Variants in RGS7 observed in about 807,000 individuals in gnomAD.
The protein encoded by RGS7 is regulator of G protein signaling 7.
RGS7 carries 27 observed loss-of-function variants against 81.1 expected under a neutral mutation model. The ratio of observed to expected loss-of-function variants is 0.33; its 90% CI spans 0.25 to 0.46. The LOEUF (loss-of-function observed/expected upper bound fraction) is 0.46, where lower values mean the gene tolerates loss of function less well. RGS7 is among the 20% of genes least tolerant of loss of function. The probability of loss-of-function intolerance (pLI) is 1.00; values close to 1 mark genes in which losing one functional copy is unlikely to be tolerated. For missense variants in RGS7, 396 were observed against 607.4 expected, an observed-to-expected ratio of 0.65 and a Z score of 3.66; for synonymous variants, 208 against 207.7, an observed-to-expected ratio of 1.00 and a Z score of -0.01.
chr1:240,778,136 A>C, intron 18 of RGS7, among the ~76,000 whole-genome samples: 1 of 147,828 alleles, frequency 6.8e-6, no homozygotes, highest in Non-Finnish European at 1.5e-5. Flanking sequence ...CCTGGCTCCT[A>C]ATACCATCAC....
intron 9 of RGS7, among the ~76,000 whole-genome samples, chr1:240,867,475 T>A (rs1002698546): frequency 3.3e-5 from 5 of 152,232 alleles, no homozygotes; most frequent in Admixed American, 6.5e-5. Flanking sequence ...TGTCTTATAG[T>A]TGCTGGTAAC....
At chr1:241,065,114 T>G in intron 3 of RGS7, among the ~76,000 whole-genome samples, 1 of 151,978 alleles carries the variant, frequency 6.6e-6, no homozygotes, top group Non-Finnish European at 1.5e-5. Context: ...AACAAGCTAA[T>G]TTGTCTGTGT....
intron 3 of RGS7, among the ~76,000 whole-genome samples, chr1:240,988,927 A>G (rs977969498): frequency 1.3e-5 from 2 of 152,200 alleles, no homozygotes; most frequent in East Asian, 3.9e-4. Flanking sequence ...AATTTCTTAG[A>G]AGAACATTAA....
chr1:241,015,730 T>C lies in RGS7; in HGVS notation c.176-32601A>G, dbSNP rs2059185296. Among the ~76,000 whole-genome samples the C allele has an allele frequency of 2.6e-5, 4 of 152,230 alleles. No individual in the cohort carries two copies. In the South Asian group the frequency reaches 6.2e-4, roughly 24 times the overall value. On this transcript the variant is annotated intron_variant, in intron 3 of 18. Coordinates refer to ENST00000440928, the MANE Select transcript of RGS7 (RefSeq NM_001364886.1). ...TGTAAGTTAATCTAAGAAATGGCAA[T>C]GATATTTTAGGATAATTTCATTTAG...
intron 2 of RGS7, among the ~76,000 whole-genome samples, chr1:241,139,915 C>G (rs965034323): frequency 6.6e-6 from 1 of 152,206 alleles, no homozygotes; most frequent in African/African-American, 2.4e-5. Flanking sequence ...GTGTTTATAA[C>G]CATCACCTAG....
chr1:241,009,954 T>A (rs2148658982), intron 3 of RGS7, among the ~76,000 whole-genome samples: 1 of 152,226 alleles, frequency 6.6e-6, no homozygotes, highest in South Asian at 2.1e-4. Flanking sequence ...AAACACCGCA[T>A]GTTCTCACTC....
At chr1:241,268,042 C>A (rs549581196) in intron 2 of RGS7, among the ~76,000 whole-genome samples, 1 of 152,222 alleles carries the variant, frequency 6.6e-6, no homozygotes, top group Admixed American at 6.5e-5. Context: ...AAAAGCTGAC[C>A]GGACCGTTGA....
At chr1:241,229,220 G>A (rs370427751) in intron 2 of RGS7, among the ~76,000 whole-genome samples, 5 of 152,044 alleles carry the variant, frequency 3.3e-5, no homozygotes, top group Non-Finnish European at 5.9e-5. Context: ...GATGGCCCAC[G>A]GACTTCTGGT....
chr1:240,924,835 T>C (rs761421921), intron 6 of RGS7, among the ~76,000 whole-genome samples: 1 of 152,148 alleles, frequency 6.6e-6, no homozygotes, highest in African/African-American at 2.4e-5. Flanking sequence ...GTAATCAAAA[T>C]AAATAATATT....
At chr1:241,044,514 C>G (rs2060804739) in intron 3 of RGS7, among the ~76,000 whole-genome samples, 1 of 152,148 alleles carries the variant, frequency 6.6e-6, no homozygotes, top group African/African-American at 2.4e-5. Flanking sequence ...CCTCAAATTC[C>G]TAGGCTCAGG....
chr1:240,797,568 T>C (rs762157057), intron 18 of RGS7, among the ~76,000 whole-genome samples: 11 of 152,130 alleles, frequency 7.2e-5, no homozygotes, highest in Non-Finnish European at 1.3e-4. Flanking sequence ...GCCAGGCTGG[T>C]CTTGAACTCC....
chr1:241,034,380 G>A (rs2060229888), intron 3 of RGS7, among the ~76,000 whole-genome samples: 1 of 152,146 alleles, frequency 6.6e-6, no homozygotes, highest in Non-Finnish European at 1.5e-5. Context: ...ACTGTTGCCG[G>A]AGTAACTAAC....
rs143214011 is a variant in RGS7, at chr1:241,277,402, G to T, written c.78+78297C>A. On this transcript the variant is annotated intron_variant, in intron 2 of 18. Transcript: ENST00000440928. ...TGGGAGGCCGAGGCGGGCGGATCACGTGGTCAGGAGATCGAGACCATCCTG... is the reference window on the plus strand; with the variant it reads ...TGGGAGGCCGAGGCGGGCGGATCACTTGGTCAGGAGATCGAGACCATCCTG... Among the ~76,000 whole-genome samples the T allele has an allele frequency of 9.6e-4, 146 of 152,204 alleles. No homozygotes were observed. The East Asian group carries it at 0.026, about 27-fold the overall frequency.
chr1:240,789,739 G>C (rs537839256), intron 18 of RGS7, among the ~76,000 whole-genome samples: 64 of 152,294 alleles, frequency 4.2e-4, no homozygotes, highest in African/African-American at 1.4e-3. Flanking sequence ...TGTTATCAGT[G>C]ACAATGCCTG....
chr1:240,816,967 T>C (rs1690906176), intron 10 of RGS7, among the ~76,000 whole-genome samples: 1 of 152,178 alleles, frequency 6.6e-6, no homozygotes. Context: ...TTCACAACAC[T>C]AGCCTTGCCA....
At chr1:241,123,416 T>G (rs1358607511) in intron 2 of RGS7, among the ~76,000 whole-genome samples, 1 of 152,160 alleles carries the variant, frequency 6.6e-6, no homozygotes, top group Non-Finnish European at 1.5e-5. Context: ...GGCAAGTGGA[T>G]TCTCCCTAAG....
intron 3 of RGS7, among the ~76,000 whole-genome samples, chr1:240,984,292 T>C (rs1481930411): frequency 6.6e-6 from 1 of 152,186 alleles, no homozygotes; most frequent in African/African-American, 2.4e-5. Context: ...AAATGCCTTG[T>C]AGTCAAAAAG....
chr1:241,083,968 G>T (rs2063294270), intron 3 of RGS7, among the ~76,000 whole-genome samples: 1 of 152,156 alleles, frequency 6.6e-6, no homozygotes, highest in Non-Finnish European at 1.5e-5. Context: ...AGGCGTCACA[G>T]AAAAATATTC....
chr1:240,917,354 C>T (rs1278222393), intron 6 of RGS7, among the ~76,000 whole-genome samples: 6 of 152,094 alleles, frequency 3.9e-5, no homozygotes, highest in African/African-American at 1.4e-4. Context: ...AACAAAATCT[C>T]TTTATAGAAA....
Sources: allele counts gnomAD v4.1 joint callset (sites outside exome capture counted in the v4.1 genomes callset), GRCh38; gene constraint gnomAD v4.1.1; transcripts MANE v1.5; gene names NCBI Gene and HGNC (gene_info 2026-07-23, HGNC 2026-07-21).